PTPRK: variants seen among roughly 807,000 people sequenced by gnomAD.
The protein encoded by PTPRK is protein tyrosine phosphatase receptor type K.
In PTPRK, 75 loss-of-function variants were observed where a neutral mutation model predicts 178.0. The ratio of observed to expected loss-of-function variants is 0.42; its 90% CI spans 0.35 to 0.51. The LOEUF is 0.51. Among genes scored for constraint, PTPRK ranks in the 20% least tolerant of loss-of-function variants. The pLI is 0.02. For synonymous variants in PTPRK, 637 were observed against 620.6 expected (o/e 1.03, Z -0.39); for missense variants, 1,441 against 1,797.8 (o/e 0.80, Z 3.59).
At chr6:128,478,749 A>G (rs2128422423) in intron 1 of PTPRK, among the ~76,000 whole-genome samples, 1 of 152,288 alleles carries the variant, frequency 6.6e-6, no homozygotes, top group East Asian at 1.9e-4. Flanking sequence ...GGATACAAAA[A>G]TAAAATTGGT....
chr6:128,070,923 C>T (rs994441483), intron 11 of PTPRK, among the ~76,000 whole-genome samples: 11 of 151,536 alleles, frequency 7.3e-5, no homozygotes, highest in Non-Finnish European at 1.2e-4. Context: ...GATATTTTTG[C>T]TTAGGACATA....
At chr6:128,516,413 G>A (rs1175030179) in intron 1 of PTPRK, among the ~76,000 whole-genome samples, 1 of 152,108 alleles carries the variant, frequency 6.6e-6, no homozygotes, top group Non-Finnish European at 1.5e-5. Flanking sequence ...AACAGTCCTG[G>A]AAATGTCCAG....
At chr6:128,012,072 A>T (rs1330441039) in intron 13 of PTPRK, among the ~76,000 whole-genome samples, 1 of 151,258 alleles carries the variant, frequency 6.6e-6, no homozygotes, top group Non-Finnish European at 1.5e-5. Flanking sequence ...TAATTATTAA[A>T]CTTAAGTATA....
intron 1 of PTPRK, among the ~76,000 whole-genome samples, chr6:128,448,444 T>C (rs1239211289): frequency 2.0e-5 from 3 of 152,196 alleles, no homozygotes; most frequent in Admixed American, 6.5e-5. Flanking sequence ...ATTCCTATTA[T>C]AGAACTCATA....
intron 5 of PTPRK, among the ~76,000 whole-genome samples, chr6:128,232,532 A>G (rs914754237): frequency 6.6e-6 from 1 of 152,220 alleles, no homozygotes; most frequent in African/African-American, 2.4e-5. Context: ...CAGCCCTACA[A>G]TTACAAAGTT....
chr6:127,983,431 C>T (rs1202090559), intron 22 of PTPRK, 54 bp from the exon 23 acceptor site: 12 of 1,574,092 alleles, frequency 7.6e-6, no homozygotes, highest in Non-Finnish European at 1.0e-5. Flanking sequence ...TCTTCATAAC[C>T]TTAAATAAGG....
In PTPRK at chr6:128,262,148, G is replaced by T. The variant is rs115475248; in HGVS notation, c.496-19546C>A. 8.5e-3 allele frequency among the ~76,000 whole-genome samples: 1,287 copies of T among 152,174 alleles called. 5 individuals carry two copies. Among genetic ancestry groups the T allele is most frequent in the Middle Eastern group, 0.024 (7 of 294 alleles). On this transcript the variant is annotated intron_variant, in intron 3 of 29. Coordinates refer to ENST00000368226, the MANE Select transcript of PTPRK (RefSeq NM_002844.4). ...GGTTTGGATTCATCCCAATTTTATG[G>T]ATGACAAATTAAGCAGCATAGTGAA...
intron 6 of PTPRK, among the ~76,000 whole-genome samples, chr6:128,203,102 A>T (rs1806265452): frequency 6.6e-6 from 1 of 152,236 alleles, no homozygotes; most frequent in South Asian, 2.1e-4. Context: ...TTGGTTCAAC[A>T]TACACAAATA....
chr6:128,294,764 G>A (rs950020517), intron 3 of PTPRK, among the ~76,000 whole-genome samples: 84 of 152,166 alleles, frequency 5.5e-4, no homozygotes, highest in Non-Finnish European at 1.5e-5. Flanking sequence ...CTTAAGGCAT[G>A]CTAAGTGCAA....
chr6:128,461,043 A>G (rs1848990077), intron 1 of PTPRK, among the ~76,000 whole-genome samples: 1 of 152,160 alleles, frequency 6.6e-6, no homozygotes, highest in Non-Finnish European at 1.5e-5. Flanking sequence ...GAAAGAAATT[A>G]TTTTTTAAAA....
intron 15 of PTPRK, among the ~76,000 whole-genome samples, chr6:128,002,198 T>A (rs890284388): frequency 6.6e-6 from 1 of 151,712 alleles, no homozygotes; most frequent in Non-Finnish European, 1.5e-5. Flanking sequence ...GTTAGTTGTG[T>A]TGTTCCAAAA....
intron 3 of PTPRK, among the ~76,000 whole-genome samples, chr6:128,262,959 G>A (rs545334397): frequency 5.3e-5 from 8 of 151,490 alleles, no homozygotes; most frequent in Middle Eastern, 6.8e-3. Context: ...GCAGACCCAC[G>A]TCTACCATAG....
At chr6:128,474,132 T>C (rs1851077063) in intron 1 of PTPRK, among the ~76,000 whole-genome samples, 1 of 151,954 alleles carries the variant, frequency 6.6e-6, no homozygotes, top group Non-Finnish European at 1.5e-5. Context: ...TATTCAATTA[T>C]ACCCTTGAGT....
At chr6:128,238,737 A>T (rs956369645) in intron 5 of PTPRK, among the ~76,000 whole-genome samples, 5 of 152,190 alleles carry the variant, frequency 3.3e-5, no homozygotes, top group Non-Finnish European at 7.4e-5. Flanking sequence ...TCCAGGAAAA[A>T]TTATCCTATT....
Position 128,078,890 on chromosome 6 carries a change from A to C in PTPRK, c.1806T>G (p.Val602=). 1 of 1,612,026 alleles carries C rather than the reference A, an allele frequency of 6.2e-7. No individual in the cohort carries two copies. Among genetic ancestry groups the C allele is most frequent in the South Asian group, 1.1e-5 (1 of 91,020 alleles). Residue 602 remains valine (V), a synonymous_variant, in exon 11 of 30, where the codon GTT becomes GTG. Coordinates refer to ENST00000368226, the MANE Select transcript of PTPRK (RefSeq NM_002844.4). ...TGGCAGTTTCATTGAGAGAGGCATC[A>C]ACTCCTTCATAGTCAGGTAAAGTTG... is the stretch of plus-strand genomic sequence containing the variant. ...SAPTLPDYEG[V]DASLNETATT... is the part of the protein sequence containing the mutation.
intron 24 of PTPRK, 22 bp from the exon 25 acceptor site, chr6:127,981,311 G>T (rs1433878950): frequency 6.2e-7 from 1 of 1,601,916 alleles, no homozygotes; most frequent in South Asian, 1.1e-5. Context: ...AGAGAACCCA[G>T]GTTAAAAGAC....
intron 7 of PTPRK, among the ~76,000 whole-genome samples, chr6:128,098,433 C>T (rs1264857618): frequency 6.6e-6 from 1 of 152,066 alleles, no homozygotes; most frequent in African/African-American, 2.4e-5. Flanking sequence ...CTTGCTCATA[C>T]CTCTTCTAGA....
intron 3 of PTPRK, among the ~76,000 whole-genome samples, chr6:128,245,452 C>A (rs1815284222): frequency 6.6e-6 from 1 of 152,196 alleles, no homozygotes; most frequent in Admixed American, 6.5e-5. Flanking sequence ...CACACTACAA[C>A]CACCTCAAAG....
chr6:127,990,982 A>C, intron 20 of PTPRK, 97 bp from the exon 21 acceptor site: 1 of 756,884 alleles, frequency 1.3e-6, no homozygotes, highest in South Asian at 2.0e-5. Context: ...CACAATTAAA[A>C]CTCAGTTTAA....
Sources: allele counts gnomAD v4.1 joint callset (sites outside exome capture counted in the v4.1 genomes callset), GRCh38; gene constraint gnomAD v4.1.1; transcripts MANE v1.5; gene names NCBI Gene and HGNC (gene_info 2026-07-23, HGNC 2026-07-21).